KCNK5: variants seen among roughly 807,000 people sequenced by gnomAD.
KCNK5 encodes potassium two pore domain channel subfamily K member 5.
Under a neutral mutation model 32.9 loss-of-function variants are expected in KCNK5, and 18 were observed. The observed-to-expected ratio is 0.55, with a 90% CI of 0.38 to 0.81. KCNK5 has a LOEUF of 0.81. Among genes scored for constraint, KCNK5 ranks in the 30% least tolerant of loss-of-function variants. The pLI, the probability that KCNK5 is intolerant of heterozygous loss-of-function variation, is 0.00. For synonymous variants in KCNK5, 276 were observed against 275.3 expected (o/e 1.00, Z -0.03); for missense variants, 507 against 651.0 (o/e 0.78, Z 2.41).
intron 1 of KCNK5, among the ~76,000 whole-genome samples, chr6:39,222,547 G>C (rs934612051): frequency 6.6e-6 from 1 of 152,170 alleles, no homozygotes; most frequent in Non-Finnish European, 1.5e-5. Context: ...ACCCAGAAGA[G>C]CTTAGTCATG....
Position 39,204,822 on chromosome 6 carries a change from T to C in KCNK5, c.187-8835A>G, listed in dbSNP as rs369590589. ...GTCCACCTTTGGGCTTCCCCCAGCC[T>C]GCCCTCCTGGGCCATCTCTCAGCAG... On this transcript the variant is annotated intron_variant, in intron 1 of 4. Transcript: ENST00000359534. Among the ~76,000 whole-genome samples, 48 of 152,352 alleles carry C rather than the reference T, an allele frequency of 3.2e-4. No individual in the cohort carries two copies. The South Asian group carries it at 8.7e-3, about 28-fold the overall frequency.
intron 1 of KCNK5, among the ~76,000 whole-genome samples, chr6:39,203,515 C>A (rs540740012): frequency 6.6e-6 from 1 of 152,350 alleles, no homozygotes; most frequent in African/African-American, 2.4e-5. Context: ...CCACTGGTCC[C>A]ATCCTGTCTT....
intron 1 of KCNK5, among the ~76,000 whole-genome samples, chr6:39,217,118 C>CAAAAAAAAAAAAAAAAAAAAAAAAAAA (rs57204833): frequency 1.3e-4 from 10 of 74,442 alleles, no homozygotes; most frequent in Non-Finnish European, 1.9e-4. Context: ...AAAACTCCAT[C>CAAAAAAAAAAAAAAAAAAAAAAAAAAA]AAAAAAAAAA....
At chr6:39,224,623 G>C (rs1771618578) in intron 1 of KCNK5, among the ~76,000 whole-genome samples, 1 of 152,196 alleles carries the variant, frequency 6.6e-6, no homozygotes, top group Non-Finnish European at 1.5e-5. Flanking sequence ...AAAGCACTTT[G>C]GAGCTTAGGA....
At chr6:39,212,912 C>T (rs1010314983) in intron 1 of KCNK5, among the ~76,000 whole-genome samples, 8 of 152,214 alleles carry the variant, frequency 5.3e-5, no homozygotes, top group Non-Finnish European at 1.0e-4. Context: ...AAGACAAGAA[C>T]GAACTAGGCT....
rs550175779 is a variant in KCNK5, at chr6:39,208,970, G to A, written c.187-12983C>T. Among the ~76,000 whole-genome samples the A allele has an allele frequency of 2.6e-5, 4 of 152,246 alleles. No homozygotes were observed. The East Asian group carries it at 5.8e-4, about 22-fold the overall frequency. ...CTGGGCATGGTGGTGCATGCCTGTG[G>A]TCCCAGCTACTCAGGAGGCTGAAGC... On this transcript the variant is annotated intron_variant, in intron 1 of 4. Transcript: ENST00000359534.
chr6:39,197,804 A>T (rs1210893178), intron 1 of KCNK5, among the ~76,000 whole-genome samples: 9 of 152,234 alleles, frequency 5.9e-5, no homozygotes, highest in Non-Finnish European at 1.2e-4. Context: ...AAAAGAGTAT[A>T]TAAGAACATA....
chr6:39,192,141 A>C (rs1770951620), intron 4 of KCNK5, among the ~76,000 whole-genome samples: 1 of 151,930 alleles, frequency 6.6e-6, no homozygotes. Context: ...TAACAATACA[A>C]AAATTAGCCA....
intron 1 of KCNK5, among the ~76,000 whole-genome samples, chr6:39,220,118 A>G (rs1213588064): frequency 6.6e-6 from 1 of 152,182 alleles, no homozygotes; most frequent in East Asian, 1.9e-4. Flanking sequence ...CAGTGTGGCC[A>G]ACAAGGCCCC....
Position 39,190,745 on chromosome 6 carries a change from T to G in KCNK5, c.*145A>C. The G allele has an allele frequency of 1.4e-6, 1 of 722,150 alleles. No individual in the cohort carries two copies. 44.7% of individuals were successfully genotyped at this position (722,150 alleles called of 1,614,324 possible). On this transcript the variant is annotated 3_prime_UTR_variant, in exon 5 of 5. Transcript: ENST00000359534. Reference sequence around the variant, plus strand: ...CGGGCATACATCTAGCTGAGGATGATGGAAGGTTAGGAAGGCCCCTGGCCC... The same window carrying G: ...CGGGCATACATCTAGCTGAGGATGAGGGAAGGTTAGGAAGGCCCCTGGCCC...
At chr6:39,204,543 C>A (rs569844467) in intron 1 of KCNK5, among the ~76,000 whole-genome samples, 1 of 152,340 alleles carries the variant, frequency 6.6e-6, no homozygotes, top group African/African-American at 2.4e-5. Context: ...CTGAGATCAT[C>A]TGAGAGAGCT....
At chr6:39,216,954 T>C (rs1771448509) in intron 1 of KCNK5, among the ~76,000 whole-genome samples, 1 of 151,346 alleles carries the variant, frequency 6.6e-6, no homozygotes, top group Admixed American at 6.6e-5. Flanking sequence ...AAACCCCGTC[T>C]CTACTAAAAA....
At chr6:39,200,264 T>C (rs1308697909) in intron 1 of KCNK5, among the ~76,000 whole-genome samples, 1 of 152,002 alleles carries the variant, frequency 6.6e-6, no homozygotes, top group Non-Finnish European at 1.5e-5. Context: ...TGGAGAGTAA[T>C]GGGAAAAGGG....
At chr6:39,225,425 G>A (rs1771656141) in intron 1 of KCNK5, among the ~76,000 whole-genome samples, 1 of 152,160 alleles carries the variant, frequency 6.6e-6, no homozygotes, top group African/African-American at 2.4e-5. Context: ...TATTCAAAGT[G>A]GTCTGGTGCA....
intron 1 of KCNK5, among the ~76,000 whole-genome samples, chr6:39,204,572 C>T (rs191773487): frequency 9.6e-4 from 146 of 152,344 alleles, no homozygotes; most frequent in Non-Finnish European, 1.9e-3. Flanking sequence ...TACTCCTGCC[C>T]GGGTCCTGCC....
chr6:39,215,275 G>A (rs771926421), intron 1 of KCNK5, among the ~76,000 whole-genome samples: 11 of 152,108 alleles, frequency 7.2e-5, no homozygotes, highest in Admixed American at 5.2e-4. Context: ...ACCCCACTTC[G>A]CCCACTCAGC....
chr6:39,194,555 TC>T lies in KCNK5; in HGVS notation c.465+38del, dbSNP rs758999018. ...CTGTCCTCCCCTCACCTGTCATGGT[TC>T]CCCCATCTCTGCCCAACACCCAGGG... On this transcript the variant is annotated intron_variant, in intron 3 of 4. Coordinates refer to ENST00000359534, the MANE Select transcript of KCNK5 (RefSeq NM_003740.4). The surrounding 1 kb of genome is among the most constrained non-coding windows in gnomAD (Gnocchi z 4.7). 2 of 1,607,222 alleles carry T rather than the reference TC, an allele frequency of 1.2e-6. No homozygotes were observed. Among genetic ancestry groups the T allele is most frequent in the South Asian group, 1.1e-5 (1 of 90,642 alleles).
chr6:39,195,359 G>A (rs1771010586), intron 2 of KCNK5, among the ~76,000 whole-genome samples: 1 of 152,236 alleles, frequency 6.6e-6, no homozygotes, highest in African/African-American at 2.4e-5. Flanking sequence ...AATCTGTGAT[G>A]GGAGGAGCCA....
rs1348329772 is a variant in KCNK5, at chr6:39,229,469, A to G, written c.-358T>C. 8.4e-6 allele frequency: 2 copies of G among 236,986 alleles called. No homozygotes were observed. Among genetic ancestry groups the G allele is most frequent in the East Asian group, 1.0e-4 (1 of 9,572 alleles). The allele number at this position is 236,986 out of a possible 1,614,324, so 14.7% of individuals were successfully genotyped here. On this transcript the variant is annotated 5_prime_UTR_variant, in exon 1 of 5. Coordinates refer to ENST00000359534, the MANE Select transcript of KCNK5 (RefSeq NM_003740.4). Reference sequence around the variant, plus strand: ...CGTCGCTCCTCCGCGCGCCACTAGCAGTATGCGCCGCGCCCGCCTCCGCAC... The same window carrying G: ...CGTCGCTCCTCCGCGCGCCACTAGCGGTATGCGCCGCGCCCGCCTCCGCAC...
Sources: allele counts gnomAD v4.1 joint callset (sites outside exome capture counted in the v4.1 genomes callset), GRCh38; gene constraint gnomAD v4.1.1; non-coding constraint Gnocchi (gnomAD v3.1); transcripts MANE v1.5; gene names NCBI Gene and HGNC (gene_info 2026-07-23, HGNC 2026-07-21).